The following ZEB1 variants were observed in gnomAD, a reference collection of about 807,000 sequenced individuals.
ZEB1 encodes zinc finger E-box-binding homeobox 1.
Under a neutral mutation model 84.9 loss-of-function variants are expected in ZEB1, and 21 were observed. The observed-to-expected ratio is 0.25, with a 90% confidence interval of 0.18 to 0.36. The LOEUF (loss-of-function observed/expected upper bound fraction) is 0.36. Ranked by LOEUF, ZEB1 falls within the 10% of genes least tolerant of loss-of-function variation. The pLI is 1.00. For synonymous variants in ZEB1, 420 were observed against 471.1 expected, an observed-to-expected ratio of 0.89 and a Z score of 1.41; for missense variants, 1,104 against 1,330.2, an observed-to-expected ratio of 0.83 and a Z score of 2.65.
At position 31,410,088 on chromosome 10, in the gene ZEB1, GT is replaced by G. The variant is rs376224280; in HGVS notation, c.59-50945del. The stretch of plus-strand genomic sequence containing the variant: ...GAGAGGGCATCCTTGTCTTGTGCCG[GT>G]TTTCAAAGGGAATGCTTCTAGCTTT... On this transcript the variant is annotated intron_variant, in intron 1 of 8. Coordinates refer to ENST00000424869, the MANE Select transcript of ZEB1 (RefSeq NM_001174096.2). Among the ~76,000 whole-genome samples, 169 of 152,288 alleles carry G rather than the reference GT, an allele frequency of 1.1e-3. 1 individual carries two copies. Among genetic ancestry groups the G allele is most frequent in the East Asian group, 5.8e-3 (30 of 5,188 alleles).
intron 2 of ZEB1, among the ~76,000 whole-genome samples, chr10:31,463,739 A>G (rs1429920249): frequency 6.6e-6 from 1 of 152,214 alleles, no homozygotes; most frequent in Non-Finnish European, 1.5e-5. Context: ...TGTAGCCTGA[A>G]AAATCTCAAG....
intron 1 of ZEB1, among the ~76,000 whole-genome samples, chr10:31,440,817 G>C (rs1361884866): frequency 1.3e-5 from 2 of 152,132 alleles, no homozygotes; most frequent in African/African-American, 2.4e-5. Context: ...TTGCTTCAAA[G>C]AGAATAAAAT....
chr10:31,397,750 A>G (rs1424928767), intron 1 of ZEB1, among the ~76,000 whole-genome samples: 2 of 152,194 alleles, frequency 1.3e-5, no homozygotes, highest in African/African-American at 4.8e-5. Context: ...GGATTTTAAA[A>G]AGGAGAATAT....
intron 1 of ZEB1, among the ~76,000 whole-genome samples, chr10:31,333,381 G>T (rs1428735110): frequency 6.6e-6 from 1 of 152,148 alleles, no homozygotes; most frequent in Non-Finnish European, 1.5e-5. Flanking sequence ...GAAAATAGTT[G>T]TAGATGGATG....
At chr10:31,443,821 A>C (rs2059379747) in intron 1 of ZEB1, among the ~76,000 whole-genome samples, 1 of 151,032 alleles carries the variant, frequency 6.6e-6, no homozygotes, top group African/African-American at 2.5e-5. Flanking sequence ...ATTGTTGGAC[A>C]TTTGGGTTGG....
intron 1 of ZEB1, among the ~76,000 whole-genome samples, chr10:31,364,808 G>A (rs2044146266): frequency 6.6e-6 from 1 of 152,184 alleles, no homozygotes; most frequent in African/African-American, 2.4e-5. Flanking sequence ...TCATGATCAT[G>A]GATACAGCAT....
intron 1 of ZEB1, among the ~76,000 whole-genome samples, chr10:31,349,661 T>C (rs1006923116): frequency 1.3e-5 from 2 of 152,214 alleles, no homozygotes; most frequent in Non-Finnish European, 2.9e-5. Context: ...TGCATTTCCC[T>C]GATGATTAGT....
chr10:31,322,245 G>A (rs2034282021), intron 1 of ZEB1, among the ~76,000 whole-genome samples: 1 of 152,204 alleles, frequency 6.6e-6, no homozygotes, highest in Non-Finnish European at 1.5e-5. Flanking sequence ...TGAAACCTCA[G>A]TATATGTGCT....
At chr10:31,488,607 T>G (rs1383415826) in intron 2 of ZEB1, among the ~76,000 whole-genome samples, 1 of 151,054 alleles carries the variant, frequency 6.6e-6, no homozygotes. Flanking sequence ...TACTGTTGTT[T>G]TAATACACAA....
intron 1 of ZEB1, among the ~76,000 whole-genome samples, chr10:31,343,044 G>A (rs1368420406): frequency 6.6e-6 from 1 of 152,112 alleles, no homozygotes; most frequent in African/African-American, 2.4e-5. Context: ...AAAACAAAAT[G>A]CACTTGCTCT....
chr10:31,526,832 T>C lies in ZEB1; in HGVS notation c.2946T>C (p.His982=). 1 of 1,614,172 alleles carries C rather than the reference T, an allele frequency of 6.2e-7. No homozygotes were observed. Among genetic ancestry groups the C allele is most frequent in the Middle Eastern group, 1.6e-4 (1 of 6,062 alleles). ...GGTCTTATTCTCAACACATGAATCATCGCTACTCCTACTGTAAGAGAGAAG... is the reference window on the plus strand; with the variant it reads ...GGTCTTATTCTCAACACATGAATCACCGCTACTCCTACTGTAAGAGAGAAG... ...HSGSYSQHMN[H]RYSYCKREAE... is the part of the protein sequence containing the mutation. The change falls in exon 9 of 9, where the codon CAT becomes CAC. Residue 982 remains histidine, a synonymous_variant. Transcript: ENST00000424869.
intron 1 of ZEB1, among the ~76,000 whole-genome samples, chr10:31,337,451 A>G (rs1418913553): frequency 6.6e-6 from 1 of 152,034 alleles, no homozygotes; most frequent in African/African-American, 2.4e-5. Context: ...GATATTAATA[A>G]TTACTGATAG....
At chr10:31,328,829 G>T (rs1403120318) in intron 1 of ZEB1, among the ~76,000 whole-genome samples, 1 of 152,004 alleles carries the variant, frequency 6.6e-6, no homozygotes, top group Non-Finnish European at 1.5e-5. Flanking sequence ...CAAGTCCAAG[G>T]AATAAAAGCT....
At chr10:31,372,136 C>G (rs2045828990) in intron 1 of ZEB1, among the ~76,000 whole-genome samples, 1 of 151,894 alleles carries the variant, frequency 6.6e-6, no homozygotes, top group Non-Finnish European at 1.5e-5. Context: ...AATTTTGCAC[C>G]TTTTATAGTT....
chr10:31,320,772 T>G (rs1247409055), intron 1 of ZEB1: 1 of 152,092 alleles, frequency 6.6e-6, no homozygotes, highest in African/African-American at 2.4e-5. Flanking sequence ...CAGCGAAATG[T>G]CTGCTGATTG....
At chr10:31,473,024 ACT>A (rs1283528196) in intron 2 of ZEB1, among the ~76,000 whole-genome samples, 1 of 141,928 alleles carries the variant, frequency 7.0e-6, no homozygotes, top group African/African-American at 2.9e-5. Flanking sequence ...CATGCTAAAA[ACT>A]CTCAATAAAT....
intron 2 of ZEB1, among the ~76,000 whole-genome samples, chr10:31,476,812 G>A (rs887598019): frequency 1.3e-5 from 2 of 152,032 alleles, no homozygotes; most frequent in Non-Finnish European, 2.9e-5. Context: ...AAAACGATAT[G>A]ATCATGTCAA....
rs553460495 is a variant in ZEB1 at position 31,436,665 on chromosome 10, A to T, written c.59-24372A>T. Among the ~76,000 whole-genome samples the T allele has an allele frequency of 1.2e-4, 19 of 152,314 alleles. No homozygotes were observed. In the Middle Eastern group the frequency reaches 0.014, roughly 109 times the overall value. Reference sequence around the variant, plus strand: ...GTGCATATAAAGCACTGAATATGTAATAAGCACTTTGTGGATCAGGGTTGA... The same window carrying T: ...GTGCATATAAAGCACTGAATATGTATTAAGCACTTTGTGGATCAGGGTTGA... On this transcript the variant is annotated intron_variant, in intron 1 of 8. Coordinates refer to ENST00000424869, the MANE Select transcript of ZEB1 (RefSeq NM_001174096.2).
At chr10:31,436,007 G>T (rs1290822310) in intron 1 of ZEB1, among the ~76,000 whole-genome samples, 1 of 152,124 alleles carries the variant, frequency 6.6e-6, no homozygotes, top group African/African-American at 2.4e-5. Context: ...TAGAGAAGAG[G>T]AAGAATACAT....
Sources: allele counts gnomAD v4.1 joint callset (sites outside exome capture counted in the v4.1 genomes callset), GRCh38; gene constraint gnomAD v4.1.1; transcripts MANE v1.5; gene names NCBI Gene and HGNC (gene_info 2026-07-23, HGNC 2026-07-21).